The following PIK3CA variants were observed in gnomAD, a reference collection of about 807,000 sequenced individuals.
PIK3CA encodes the protein phosphatidylinositol 4,5-bisphosphate 3-kinase catalytic subunit alpha isoform.
Under a neutral mutation model 138.2 loss-of-function variants are expected in PIK3CA, and 27 were observed. That is an observed-to-expected ratio of 0.20 (90% CI 0.14 to 0.27). PIK3CA has a LOEUF of 0.27. Among genes scored for constraint, PIK3CA ranks in the 10% least tolerant of loss-of-function variants. The pLI is 1.00. For synonymous variants in PIK3CA, 358 were observed against 413.2 expected (o/e 0.87, Z 1.62); for missense variants, 544 against 1,277.4 (o/e 0.43, Z 8.75).
rs1431393132 is a variant in PIK3CA at position 179,240,078 on chromosome 3, A to C, written c.*5714A>C. ...TGTAACATCACGCTGTTTATTAAAAAAAAAAAGAAAAATTACTTTTTGTGT... is the reference window on the plus strand; with the variant it reads ...TGTAACATCACGCTGTTTATTAAAACAAAAAAGAAAAATTACTTTTTGTGT... On this transcript the variant is annotated 3_prime_UTR_variant, in exon 21 of 21. Transcript: ENST00000263967. 6 of 1,522,460 alleles carry C rather than the reference A, an allele frequency of 3.9e-6. No individual in the cohort carries two copies. Among genetic ancestry groups the C allele is most frequent in the Admixed American group, 2.1e-5 (1 of 47,060 alleles). 94.3% of individuals were successfully genotyped at this position (1,522,460 alleles called of 1,614,324 possible).
intron 6 of PIK3CA, among the ~76,000 whole-genome samples, chr3:179,206,960 A>G (rs1724578814): frequency 6.6e-6 from 1 of 151,996 alleles, no homozygotes. Context: ...ATTTAATAAT[A>G]TATGATTAAA....
chr3:179,182,660 G>C (rs1337431773), intron 1 of PIK3CA, among the ~76,000 whole-genome samples: 6 of 151,890 alleles, frequency 4.0e-5, no homozygotes, highest in Admixed American at 3.9e-4. Context: ...AACTGAGAGA[G>C]ACCCTGTCTC....
At chr3:179,203,041 C>T (rs1316684407) in intron 4 of PIK3CA, among the ~76,000 whole-genome samples, 2 of 149,132 alleles carry the variant, frequency 1.3e-5, no homozygotes, top group African/African-American at 4.9e-5. Context: ...CCCGGGTTCA[C>T]GCCATTCTCC....
chr3:179,173,570 C>T (rs1048876881), intron 1 of PIK3CA, among the ~76,000 whole-genome samples: 1 of 150,980 alleles, frequency 6.6e-6, no homozygotes, highest in Non-Finnish European at 1.5e-5. Context: ...CAGAGGGAGA[C>T]TCCATCTCAA....
intron 17 of PIK3CA, among the ~76,000 whole-genome samples, chr3:179,228,253 G>A (rs1190507337): frequency 6.6e-6 from 1 of 151,858 alleles, no homozygotes; most frequent in African/African-American, 2.4e-5. Context: ...GAGATTCTTG[G>A]TAATATTAAC....
intron 1 of PIK3CA, among the ~76,000 whole-genome samples, chr3:179,191,307 A>G (rs1168046673): frequency 6.6e-6 from 1 of 152,226 alleles, no homozygotes; most frequent in East Asian, 1.9e-4. Context: ...GTTAGCCACA[A>G]AACTATTTTT....
intron 1 of PIK3CA, among the ~76,000 whole-genome samples, chr3:179,177,312 C>CTTTTTTTTTTT (rs11328702): frequency 1.1e-5 from 1 of 91,042 alleles, no homozygotes; most frequent in Non-Finnish European, 2.2e-5. Flanking sequence ...ATTCTCTTTT[C>CTTTTTTTTTTT]TTTTTTTTTT....
chr3:179,211,970 C>G (rs920251109), intron 9 of PIK3CA, among the ~76,000 whole-genome samples: 1 of 152,108 alleles, frequency 6.6e-6, no homozygotes, highest in Admixed American at 6.5e-5. Flanking sequence ...TTATTTCAGA[C>G]AGACAACTAA....
At chr3:179,193,349 T>A (rs1724184691) in intron 1 of PIK3CA, among the ~76,000 whole-genome samples, 1 of 152,206 alleles carries the variant, frequency 6.6e-6, no homozygotes, top group Non-Finnish European at 1.5e-5. Flanking sequence ...GTTTATAGTT[T>A]GTAAAATGGT....
intron 1 of PIK3CA, among the ~76,000 whole-genome samples, chr3:179,179,426 A>G (rs1723785712): frequency 6.6e-6 from 1 of 152,250 alleles, no homozygotes; most frequent in Non-Finnish European, 1.5e-5. Context: ...GATTCAATTT[A>G]TGTAAAGTTA....
chr3:179,155,266 C>T (rs768384877), intron 1 of PIK3CA, among the ~76,000 whole-genome samples: 22 of 152,104 alleles, frequency 1.4e-4, no homozygotes, highest in Admixed American at 3.3e-4. Flanking sequence ...ACTGTAGTGT[C>T]CAAATGTAGG....
intron 1 of PIK3CA, among the ~76,000 whole-genome samples, chr3:179,182,296 A>C (rs1305420821): frequency 6.6e-6 from 1 of 152,170 alleles, no homozygotes; most frequent in African/African-American, 2.4e-5. Context: ...TAATGTATTA[A>C]ATCATTGTAA....
intron 9 of PIK3CA, among the ~76,000 whole-genome samples, chr3:179,212,546 G>A (rs1397718583): frequency 6.6e-6 from 1 of 151,932 alleles, no homozygotes; most frequent in Non-Finnish European, 1.5e-5. Flanking sequence ...GGAGGTTGCA[G>A]TGAGCCGAGA....
chr3:179,152,035 T>G (rs889744846), intron 1 of PIK3CA, among the ~76,000 whole-genome samples: 6 of 152,194 alleles, frequency 3.9e-5, no homozygotes, highest in Non-Finnish European at 8.8e-5. Flanking sequence ...AGCCTGTACA[T>G]TACAGCACTT....
chr3:179,174,617 TG>T (rs1391080561), intron 1 of PIK3CA, among the ~76,000 whole-genome samples: 1 of 152,216 alleles, frequency 6.6e-6, no homozygotes, highest in Non-Finnish European at 1.5e-5. Flanking sequence ...CTTATAATAA[TG>T]GGGTATATTG....
At chr3:179,178,811 A>T (rs1010000530) in intron 1 of PIK3CA, among the ~76,000 whole-genome samples, 8 of 152,192 alleles carry the variant, frequency 5.3e-5, no homozygotes, top group African/African-American at 1.4e-4. Flanking sequence ...TCTTCCGTAG[A>T]GTCTCACAAG....
rs201266676 is a variant in PIK3CA at position 179,224,481 on chromosome 3, ATAT to A, written c.2295-218_2295-216del. Among the ~76,000 whole-genome samples, 36,092 of 151,756 alleles carry A rather than the reference ATAT, an allele frequency of 0.24. 4,949 individuals carry two copies. Among genetic ancestry groups the A allele is most frequent in the African/African-American group, 0.38 (15,774 of 41,290 alleles). On this transcript the variant is annotated intron_variant, in intron 15 of 20. Transcript: ENST00000263967. ...TCTGTAAAACTAATGATATATCTCT[ATAT>A]ATTTGTTGGAAATTCATATGCAATT...
chr3:179,175,582 T>A (rs1473835793), intron 1 of PIK3CA, among the ~76,000 whole-genome samples: 1 of 152,182 alleles, frequency 6.6e-6, no homozygotes, highest in African/African-American at 2.4e-5. Context: ...CTGGAACTCC[T>A]ACTAGCCAGA....
intron 1 of PIK3CA, among the ~76,000 whole-genome samples, chr3:179,192,596 C>T (rs976453317): frequency 6.6e-6 from 1 of 152,208 alleles, no homozygotes; most frequent in Non-Finnish European, 1.5e-5. Flanking sequence ...TTACAGGGAT[C>T]AGCAAACTTT....
Sources: allele counts gnomAD v4.1 joint callset (sites outside exome capture counted in the v4.1 genomes callset), GRCh38; gene constraint gnomAD v4.1.1; transcripts MANE v1.5; gene names NCBI Gene and HGNC (gene_info 2026-07-23, HGNC 2026-07-21).